Variants in LRRC53 observed in about 807,000 individuals in gnomAD.
LRRC53 encodes the protein leucine rich repeat containing 53.
A neutral mutation model predicts 13.6 loss-of-function variants in LRRC53; 25 were observed. The observed-to-expected ratio is 1.83, with a 90% CI of 1.34 to 2.56. The LOEUF (loss-of-function observed/expected upper bound fraction) is 2.56. LRRC53 is among the 30% of genes most tolerant of loss of function. The pLI is 0.00. For synonymous variants in LRRC53, 204 were observed against 109.8 expected (o/e 1.86, Z -5.37); for missense variants, 527 against 275.8 (o/e 1.91, Z -6.45).
At chr1:74,489,799 A>G (rs1313575212) in intron 1 of LRRC53, among the ~76,000 whole-genome samples, 9 of 152,152 alleles carry the variant, frequency 5.9e-5, no homozygotes, top group Non-Finnish European at 1.3e-4. Flanking sequence ...TTAATTTTCT[A>G]CACACCTGGT....
intron 1 of LRRC53, among the ~76,000 whole-genome samples, 163 bp from the exon 2 acceptor site, chr1:74,483,538 A>G (rs1483847809): frequency 6.6e-6 from 1 of 152,230 alleles, no homozygotes; most frequent in Non-Finnish European, 1.5e-5. Flanking sequence ...CTTAATTTGC[A>G]TAGAATTTAA....
At chr1:74,509,209 A>G (rs148756691) in intron 1 of LRRC53, among the ~76,000 whole-genome samples, 1 of 152,164 alleles carries the variant, frequency 6.6e-6, no homozygotes, top group African/African-American at 2.4e-5. Context: ...TTGATTGTCA[A>G]ATTTGACAGT....
At chr1:74,507,223 ACC>A (rs36051033) in intron 1 of LRRC53, among the ~76,000 whole-genome samples, 20 of 120,328 alleles carry the variant, frequency 1.7e-4, no homozygotes, top group African/African-American at 5.8e-4. Flanking sequence ...AAATTTCTTC[ACC>A]CCCCCCCCAT....
intron 1 of LRRC53, chr1:74,489,210 G>C: frequency 6.2e-7 from 1 of 1,611,408 alleles, no homozygotes; most frequent in Non-Finnish European, 8.5e-7. Context: ...ATTTTCTGAA[G>C]TTGTCATGAA....
At chr1:74,536,199 T>C in the LRRC53 span, among the ~76,000 whole-genome samples, 1 of 152,142 alleles carries the variant, frequency 6.6e-6, no homozygotes, top group Non-Finnish European at 1.5e-5. Context: ...TCTTCTTAGC[T>C]CTTCTGTCAT....
chr1:74,472,210 C>T lies in LRRC53; in HGVS notation c.1421-9G>A, dbSNP rs1363214199. On this transcript the variant is annotated splice_polypyrimidine_tract_variant and intron_variant, in intron 4 of 4. Transcript: ENST00000294635. ...TATGTCACTGCTGATATCTGTGGAA[C>T]AATAAATGCAAGAATTTAGCACTTA... is the stretch of plus-strand genomic sequence containing the variant. 2.8e-6 allele frequency: 2 copies of T among 716,000 alleles called. No individual in the cohort carries two copies. Among genetic ancestry groups the T allele is most frequent in the East Asian group, 5.4e-5 (2 of 37,240 alleles). The allele number at this position is 716,000 out of a possible 1,614,324, so 44.4% of individuals were successfully genotyped here.
the LRRC53 span, among the ~76,000 whole-genome samples, chr1:74,517,955 G>A: frequency 5.9e-5 from 9 of 152,160 alleles, no homozygotes; most frequent in Non-Finnish European, 1.0e-4. Context: ...CACTGCTCTA[G>A]CTAGTACTTA....
the LRRC53 span, among the ~76,000 whole-genome samples, chr1:74,518,146 G>A: frequency 6.6e-6 from 1 of 152,160 alleles, no homozygotes; most frequent in Non-Finnish European, 1.5e-5. Flanking sequence ...GCAAAGAAAT[G>A]ATAATAGATG....
the LRRC53 span, among the ~76,000 whole-genome samples, chr1:74,522,992 C>T: frequency 1.3e-5 from 2 of 152,162 alleles, no homozygotes; most frequent in East Asian, 3.8e-4. Context: ...AGAGGGGAAA[C>T]CCCATGCATT....
chr1:74,531,033 A>C, the LRRC53 span, among the ~76,000 whole-genome samples: 1 of 152,102 alleles, frequency 6.6e-6, no homozygotes, highest in South Asian at 2.1e-4. Flanking sequence ...AAAATGGGGG[A>C]AGCTGAGACC....
chr1:74,526,012 C>T, the LRRC53 span, among the ~76,000 whole-genome samples: 1 of 152,212 alleles, frequency 6.6e-6, no homozygotes, highest in East Asian at 1.9e-4. Context: ...TGTGATGAGG[C>T]AAAGGGTCCC....
At chr1:74,473,312 A>G (rs1668029321) in intron 4 of LRRC53, among the ~76,000 whole-genome samples, 1 of 152,146 alleles carries the variant, frequency 6.6e-6, no homozygotes, top group African/African-American at 2.4e-5. Context: ...TGTTGAAACC[A>G]AGAATTGAAC....
At chr1:74,497,111 T>C (rs1669367324) in intron 1 of LRRC53, among the ~76,000 whole-genome samples, 1 of 152,188 alleles carries the variant, frequency 6.6e-6, no homozygotes, top group African/African-American at 2.4e-5. Context: ...ATGCAGTTTA[T>C]AAAAGTTGAA....
At chr1:74,522,537 G>A in the LRRC53 span, among the ~76,000 whole-genome samples, 1 of 152,008 alleles carries the variant, frequency 6.6e-6, no homozygotes. Flanking sequence ...ACTCCTGAGG[G>A]TATTATACAT....
At chr1:74,504,414 C>T (rs926471661) in intron 1 of LRRC53, among the ~76,000 whole-genome samples, 23 of 152,084 alleles carry the variant, frequency 1.5e-4, no homozygotes, top group African/African-American at 4.1e-4. Flanking sequence ...GACTTCACGC[C>T]GAACAAAGGT....
In LRRC53 at chr1:74,472,172, ATCT is replaced by A. The variant is rs565475322; in HGVS notation, c.1447_1449del (p.Arg483del). 1.6e-3 allele frequency: 1,113 copies of A among 716,972 alleles called. 3 individuals are homozygous for A. Among genetic ancestry groups the A allele is most frequent in the Non-Finnish European group, 9.1e-4 (350 of 384,724 alleles). 44.4% of individuals were successfully genotyped at this position (716,972 alleles called of 1,614,324 possible). ...GCCAAGGCTGAAGCGGGTGTTGCAT[ATCT>A]TCTTCTAAATATGTCACTGCTGATA... is the stretch of plus-strand genomic sequence containing the variant. On this transcript the variant is annotated inframe_deletion, in exon 5 of 5. Coordinates refer to ENST00000294635, the MANE Select transcript of LRRC53 (RefSeq NM_001382280.1).
the LRRC53 span, among the ~76,000 whole-genome samples, chr1:74,532,244 TA>T: frequency 1.3e-5 from 2 of 152,194 alleles, no homozygotes; most frequent in Admixed American, 1.3e-4. Context: ...AATTGTTGGA[TA>T]AAGGAAAGTA....
chr1:74,524,904 T>C, the LRRC53 span, among the ~76,000 whole-genome samples: 1 of 152,196 alleles, frequency 6.6e-6, no homozygotes, highest in Non-Finnish European at 1.5e-5. Flanking sequence ...GGATTGTTTC[T>C]AAAAGGATTG....
upstream of LRRC53, among the ~76,000 whole-genome samples, chr1:74,512,912 A>G (rs1297536306): frequency 6.6e-6 from 1 of 152,198 alleles, no homozygotes; most frequent in Non-Finnish European, 1.5e-5. Flanking sequence ...GTGATCACCT[A>G]AAGCTGGCCT....
Sources: allele counts gnomAD v4.1 joint callset (sites outside exome capture counted in the v4.1 genomes callset), GRCh38; gene constraint gnomAD v4.1.1; transcripts MANE v1.5; gene names NCBI Gene and HGNC (gene_info 2026-07-23, HGNC 2026-07-21).